SDC1: variants seen among roughly 807,000 people sequenced by gnomAD.
SDC1 encodes the protein syndecan 1, also known as syndecan-1.
A neutral mutation model predicts 29.7 loss-of-function variants in SDC1; 14 were observed. The observed-to-expected ratio is 0.47, with a 90% CI of 0.31 to 0.74. The LOEUF (loss-of-function observed/expected upper bound fraction) is 0.74, where lower values mean the gene tolerates loss of function less well. Among genes scored for constraint, SDC1 ranks in the 30% least tolerant of loss-of-function variants. The pLI is 0.05. For synonymous variants in SDC1, 204 were observed against 175.5 expected, an observed-to-expected ratio of 1.16 and a Z score of -1.29; for missense variants, 406 against 400.3, an observed-to-expected ratio of 1.01 and a Z score of -0.12.
intron 1 of SDC1, among the ~76,000 whole-genome samples, chr2:20,220,936 T>C (rs1277227150): frequency 6.6e-6 from 1 of 152,202 alleles, no homozygotes; most frequent in Non-Finnish European, 1.5e-5. Context: ...CCTCAGCTGG[T>C]CAGTCCAGCT....
intron 1 of SDC1, among the ~76,000 whole-genome samples, chr2:20,223,959 G>C (rs989967415): frequency 6.6e-6 from 1 of 152,110 alleles, no homozygotes; most frequent in Non-Finnish European, 1.5e-5. Context: ...GGCGGGCCAA[G>C]GGACCCGCCT....
intron 3 of SDC1, 62 bp downstream of exon 3, chr2:20,203,751 G>C: frequency 8.1e-7 from 1 of 1,236,312 alleles, no homozygotes; most frequent in South Asian, 1.4e-5. Context: ...TGTAGGGCCT[G>C]CCAAGTGCCA....
intron 1 of SDC1, among the ~76,000 whole-genome samples, chr2:20,208,308 G>A (rs1406354677): frequency 6.6e-6 from 1 of 152,236 alleles, no homozygotes; most frequent in African/African-American, 2.4e-5. Flanking sequence ...AAAACAATTT[G>A]TTCCCTCAGT....
intron 1 of SDC1, among the ~76,000 whole-genome samples, chr2:20,219,424 C>T (rs138414374): frequency 5.3e-5 from 8 of 152,362 alleles, no homozygotes; most frequent in South Asian, 2.1e-4. Context: ...CCATGACCAC[C>T]TGCAGCTGGA....
At chr2:20,216,286 C>T (rs1410231197) in intron 1 of SDC1, among the ~76,000 whole-genome samples, 1 of 152,206 alleles carries the variant, frequency 6.6e-6, no homozygotes, top group African/African-American at 2.4e-5. Context: ...GCACGGCCCA[C>T]AATCCCAGCC....
intron 1 of SDC1, among the ~76,000 whole-genome samples, chr2:20,215,397 C>T (rs3771236): frequency 0.29 from 44,748 of 152,234 alleles, 6,911 homozygotes; most frequent in Middle Eastern, 0.38. Flanking sequence ...GGCAGAGGCT[C>T]GGGTGGAAGA....
chr2:20,218,607 G>A (rs1034004188), intron 1 of SDC1, among the ~76,000 whole-genome samples: 2 of 143,238 alleles, frequency 1.4e-5, no homozygotes, highest in African/African-American at 2.6e-5. Flanking sequence ...AAATATACAC[G>A]GACGCAGACA....
At position 20,203,910 on chromosome 2, in the gene SDC1, G is replaced by A. The variant is rs972648668; in HGVS notation, c.530C>T (p.Thr177Ile). 3.7e-6 allele frequency: 6 copies of A among 1,613,888 alleles called. No individual in the cohort carries two copies. The African/African-American group carries it at 5.3e-5, about 14-fold the overall frequency. ...PAGPSQADLH[T>I]PHTEDGGPSA... ...AGGACCTCCATCCTCTGTGTGGGGAGTGTGAAGGTCAGCTTGGCTGGGTCC... is the reference window on the plus strand; with the variant it reads ...AGGACCTCCATCCTCTGTGTGGGGAATGTGAAGGTCAGCTTGGCTGGGTCC... The change falls in exon 3 of 5, where the codon ACT becomes ATT. Residue 177 changes from threonine (T) to isoleucine (I), a missense_variant. By Grantham distance (89) the Thr-to-Ile change is moderately conservative. Coordinates refer to ENST00000254351, the MANE Select transcript of SDC1 (RefSeq NM_002997.5).
At chr2:20,223,033 C>G (rs753887083) in intron 1 of SDC1, among the ~76,000 whole-genome samples, 4 of 152,176 alleles carry the variant, frequency 2.6e-5, no homozygotes, top group African/African-American at 4.8e-5. Context: ...CAGAAACCAC[C>G]ACCCTAGAGA....
At position 20,204,076 on chromosome 2, in the gene SDC1, TG is replaced by T; in HGVS notation, c.363del (p.Thr122ProfsTer101). ...TGTGTGGTCTCCCTGGGTCGGGGGGTGGCCTCCTGCTCCCGGGCGGTGAGGC... is the reference window on the plus strand; with the variant it reads ...TGTGTGGTCTCCCTGGGTCGGGGGGTGCCTCCTGCTCCCGGGCGGTGAGGC... ...EPGLTAREQE[A>X]TPRPRETTQL... On this transcript the variant is annotated frameshift_variant, in exon 3 of 5. Transcript: ENST00000254351. LOFTEE classifies it high-confidence loss of function. The T allele has an allele frequency of 1.2e-6, 2 of 1,608,244 alleles. No homozygotes were observed. The highest frequency in any genetic ancestry group is 1.7e-6 in the Non-Finnish European group (2 of 1,179,084).
chr2:20,219,107 T>C (rs1677729755), intron 1 of SDC1, among the ~76,000 whole-genome samples: 1 of 151,894 alleles, frequency 6.6e-6, no homozygotes, highest in South Asian at 2.1e-4. Flanking sequence ...CCTGTTCTGC[T>C]CTCCTGACTC....
intron 1 of SDC1, among the ~76,000 whole-genome samples, chr2:20,214,191 G>C (rs573845739): frequency 5.3e-5 from 8 of 152,332 alleles, no homozygotes; most frequent in Non-Finnish European, 8.8e-5. Flanking sequence ...CCCAGGAAAG[G>C]AGGAAGAAAT....
chr2:20,205,300 C>T, intron 2 of SDC1, 43 bp downstream of exon 2: 1 of 1,456,184 alleles, frequency 6.9e-7, no homozygotes, highest in South Asian at 1.1e-5. Flanking sequence ...CAGGCATGAC[C>T]TGTTGCCGTC....
At chr2:20,205,549 C>A in intron 1 of SDC1, 125 bp from the exon 2 acceptor site, 1 of 737,048 alleles carries the variant, frequency 1.4e-6, no homozygotes, top group Non-Finnish European at 2.3e-6. Flanking sequence ...CAGGGAGAAG[C>A]CTTCTCATGT....
chr2:20,219,324 T>C (rs752368328), intron 1 of SDC1, among the ~76,000 whole-genome samples: 22 of 152,066 alleles, frequency 1.4e-4, no homozygotes, highest in Non-Finnish European at 2.9e-4. Context: ...ACACTGTCTC[T>C]CCACCTAAAT....
chr2:20,222,427 A>G (rs559864086), intron 1 of SDC1, among the ~76,000 whole-genome samples: 25 of 152,168 alleles, frequency 1.6e-4, no homozygotes, highest in Non-Finnish European at 3.2e-4. Context: ...ATGGACATTC[A>G]CTGTAAGAGG....
chr2:20,219,705 A>G (rs1677753090), intron 1 of SDC1, among the ~76,000 whole-genome samples: 1 of 152,214 alleles, frequency 6.6e-6, no homozygotes, highest in Non-Finnish European at 1.5e-5. Context: ...AACTCCCTGA[A>G]TCTCTCAGGG....
chr2:20,220,447 A>C (rs185039872), intron 1 of SDC1, among the ~76,000 whole-genome samples: 188 of 152,342 alleles, frequency 1.2e-3, no homozygotes, highest in African/African-American at 4.3e-3. Flanking sequence ...CAGCTTCCTC[A>C]TCCACAAAGT....
Position 20,203,914 on chromosome 2 carries a change from G to A in SDC1, c.526C>T (p.His176Tyr), listed in dbSNP as rs1677144836. Residue 176 changes from histidine (H) to tyrosine (Y), a missense_variant, in exon 3 of 5, where the codon CAC becomes TAC. By Grantham distance (83) the His-to-Tyr change is moderately conservative. Transcript: ENST00000254351. Reference protein sequence around the residue: ...TPAGPSQADLHTPHTEDGGPS... With the variant: ...TPAGPSQADLYTPHTEDGGPS... Reference sequence around the variant, plus strand: ...CCTCCATCCTCTGTGTGGGGAGTGTGAAGGTCAGCTTGGCTGGGTCCTGCA... The same window carrying A: ...CCTCCATCCTCTGTGTGGGGAGTGTAAAGGTCAGCTTGGCTGGGTCCTGCA... 6.2e-7 allele frequency: 1 copy of A among 1,613,926 alleles called. No individual in the cohort carries two copies. The highest frequency in any genetic ancestry group is 8.5e-7 in the Non-Finnish European group (1 of 1,180,004).
Sources: gnomAD v4.1 joint callset for allele counts (sites outside exome capture counted in the v4.1 genomes callset) on GRCh38, gnomAD v4.1.1 for gene constraint, MANE v1.5 for transcripts, NCBI Gene and HGNC (gene_info 2026-07-23, HGNC 2026-07-21) for gene names.